AK5: variants seen among roughly 807,000 people sequenced by gnomAD.
AK5 encodes the protein adenylate kinase isoenzyme 5.
AK5 carries 27 observed loss-of-function variants against 69.5 expected under a neutral mutation model. The observed-to-expected ratio is 0.39, with a 90% CI of 0.29 to 0.54. The LOEUF is 0.54. Among genes scored for constraint, AK5 ranks in the 20% least tolerant of loss-of-function variants. The probability of loss-of-function intolerance (pLI) is 0.71; values close to 1 mark genes in which losing one functional copy is unlikely to be tolerated. For synonymous variants in AK5, 260 were observed against 244.4 expected, an observed-to-expected ratio of 1.06 and a Z score of -0.60; for missense variants, 531 against 700.4, an observed-to-expected ratio of 0.76 and a Z score of 2.73.
intron 10 of AK5, among the ~76,000 whole-genome samples, chr1:77,497,420 G>A (rs1051420377): frequency 2.6e-5 from 4 of 152,184 alleles, no homozygotes; most frequent in African/African-American, 9.7e-5. Flanking sequence ...ACAAACTCCG[G>A]ACACACCATC....
At chr1:77,384,508 C>G (rs1429019078) in intron 6 of AK5, among the ~76,000 whole-genome samples, 1 of 152,092 alleles carries the variant, frequency 6.6e-6, no homozygotes, top group Non-Finnish European at 1.5e-5. Flanking sequence ...AATTGAGACT[C>G]AGAAAGGGAC....
intron 8 of AK5, among the ~76,000 whole-genome samples, chr1:77,461,092 G>A (rs1429193414): frequency 6.8e-6 from 1 of 147,654 alleles, no homozygotes; most frequent in Non-Finnish European, 1.5e-5. Context: ...GGACTGCAGT[G>A]GTGCTATCTC....
At chr1:77,436,427 T>C (rs928083062) in intron 8 of AK5, among the ~76,000 whole-genome samples, 4 of 151,786 alleles carry the variant, frequency 2.6e-5, no homozygotes, top group African/African-American at 7.2e-5. Context: ...TCCATATCAG[T>C]ATTTTATATA....
In AK5 at chr1:77,559,521, T is replaced by C. The variant is rs1660326398; in HGVS notation, c.*851T>C. The C allele has an allele frequency of 6.8e-6, 1 of 146,262 alleles. No individual in the cohort carries two copies. The highest frequency in any genetic ancestry group is 2.5e-5 in the African/African-American group (1 of 40,202). 9.1% of individuals were successfully genotyped at this position (146,262 alleles called of 1,614,324 possible). A position where few individuals can be genotyped will look rare whatever the true frequency, so the allele number is the denominator to read the frequency against. On this transcript the variant is annotated 3_prime_UTR_variant, in exon 14 of 14. Transcript: ENST00000354567. ...TCATTGGGCACATATCAAATTATAA[T>C]TTTGATTTTAAATGGTCACCCATGT...
At chr1:77,330,867 T>G (rs1329559476) in intron 5 of AK5, among the ~76,000 whole-genome samples, 2 of 152,222 alleles carry the variant, frequency 1.3e-5, no homozygotes, top group African/African-American at 2.4e-5. Context: ...TCATTTTAAG[T>G]CTTCTTTAAT....
At chr1:77,354,405 C>T (rs1662386072) in intron 6 of AK5, among the ~76,000 whole-genome samples, 1 of 152,136 alleles carries the variant, frequency 6.6e-6, no homozygotes, top group Admixed American at 6.6e-5. Flanking sequence ...AGAAAGCCAA[C>T]TCTGAATTTA....
chr1:77,435,507 G>A (rs573004683), intron 8 of AK5, among the ~76,000 whole-genome samples: 16 of 152,090 alleles, frequency 1.1e-4, no homozygotes, highest in South Asian at 1.0e-3. Context: ...AATTAGCTTG[G>A]CATGGTGGCG....
chr1:77,477,596 A>G (rs1415032933), intron 8 of AK5, among the ~76,000 whole-genome samples: 1 of 152,228 alleles, frequency 6.6e-6, no homozygotes, highest in African/African-American at 2.4e-5. Flanking sequence ...AAATTAGAAA[A>G]GACTGCTCCT....
At chr1:77,309,677 C>T (rs561479932) in intron 5 of AK5, among the ~76,000 whole-genome samples, 200 of 152,204 alleles carry the variant, frequency 1.3e-3, no homozygotes, top group African/African-American at 4.6e-3. Flanking sequence ...AGAAGTGTTT[C>T]TGTATCACTA....
chr1:77,294,558 T>G (rs17100218), intron 3 of AK5, among the ~76,000 whole-genome samples: 2,774 of 152,188 alleles, frequency 0.018, 85 homozygotes, highest in African/African-American at 0.062. Context: ...TATGGCAAAT[T>G]GGCACCTATA....
chr1:77,534,888 G>A (rs1205316184), intron 12 of AK5, among the ~76,000 whole-genome samples: 1 of 152,168 alleles, frequency 6.6e-6, no homozygotes, highest in East Asian at 1.9e-4. Context: ...ATTATCTCTC[G>A]TGGTTCTGGA....
chr1:77,421,875 C>A (rs1476579210), intron 8 of AK5, among the ~76,000 whole-genome samples: 1 of 152,178 alleles, frequency 6.6e-6, no homozygotes, highest in Non-Finnish European at 1.5e-5. Flanking sequence ...ACATGTTCTC[C>A]TGTGAGAGGC....
chr1:77,499,205 T>C (rs1391250228), intron 10 of AK5, among the ~76,000 whole-genome samples: 1 of 152,240 alleles, frequency 6.6e-6, no homozygotes, highest in African/African-American at 2.4e-5. Flanking sequence ...CAGGCTCCTC[T>C]GAACCAGGAG....
chr1:77,353,675 C>CAGA (rs1333894436), intron 6 of AK5, among the ~76,000 whole-genome samples: 1 of 152,186 alleles, frequency 6.6e-6, no homozygotes, highest in African/African-American at 2.4e-5. Flanking sequence ...TTTCACCCTT[C>CAGA]AGACTCAACT....
intron 6 of AK5, among the ~76,000 whole-genome samples, chr1:77,366,906 A>G (rs1297837987): frequency 1.4e-5 from 1 of 71,056 alleles, no homozygotes; most frequent in African/African-American, 4.9e-5. Context: ...TATTTTTTCC[A>G]TCTTTAAAAT....
intron 13 of AK5, among the ~76,000 whole-genome samples, chr1:77,540,058 A>C (rs1659185699): frequency 6.6e-6 from 1 of 152,216 alleles, no homozygotes; most frequent in Non-Finnish European, 1.5e-5. Context: ...GCTGACATTG[A>C]ACCCATCATC....
chr1:77,511,834 G>A (rs928792747), intron 10 of AK5, among the ~76,000 whole-genome samples: 1 of 152,208 alleles, frequency 6.6e-6, no homozygotes, highest in African/African-American at 2.4e-5. Context: ...CTGGCGTCCA[G>A]CTAGCTAGGG....
intron 10 of AK5, among the ~76,000 whole-genome samples, chr1:77,501,689 T>C (rs1004095408): frequency 6.6e-6 from 1 of 152,234 alleles, no homozygotes; most frequent in African/African-American, 2.4e-5. Flanking sequence ...CCTTTTACTT[T>C]TTTCTTTTAA....
intron 10 of AK5, among the ~76,000 whole-genome samples, chr1:77,500,416 C>A (rs1337562246): frequency 7.3e-6 from 1 of 137,654 alleles, no homozygotes; most frequent in Non-Finnish European, 1.6e-5. Context: ...TGATACAGGT[C>A]CCAAATGTCA....
Sources: allele counts gnomAD v4.1 joint callset (sites outside exome capture counted in the v4.1 genomes callset), GRCh38; gene constraint gnomAD v4.1.1; transcripts MANE v1.5; gene names NCBI Gene and HGNC (gene_info 2026-07-23, HGNC 2026-07-21).